The following CDYL variants were observed in gnomAD, a reference collection of about 807,000 sequenced individuals.
CDYL encodes the protein chromodomain Y like, also known as chromodomain Y-like protein.
A neutral mutation model predicts 47.3 loss-of-function variants in CDYL; 8 were observed. The ratio of observed to expected loss-of-function variants is 0.17; its 90% CI spans 0.10 to 0.31. CDYL has a LOEUF of 0.31. Among genes scored for constraint, CDYL ranks in the 10% least tolerant of loss-of-function variants. The pLI, the probability that CDYL is intolerant of heterozygous loss-of-function variation, is 1.00. For synonymous variants in CDYL, 266 were observed against 265.0 expected (o/e 1.00, Z -0.04); for missense variants, 471 against 701.4 (o/e 0.67, Z 3.71).
intron 1 of CDYL, among the ~76,000 whole-genome samples, chr6:4,713,113 G>A (rs913990752): frequency 9.9e-5 from 15 of 152,166 alleles, no homozygotes; most frequent in African/African-American, 2.7e-4. Context: ...TGAGGGGGTC[G>A]AGCAAAATGA....
intron 1 of CDYL, among the ~76,000 whole-genome samples, chr6:4,817,986 G>C (rs1759720475): frequency 6.6e-6 from 1 of 152,214 alleles, no homozygotes; most frequent in African/African-American, 2.4e-5. Flanking sequence ...GCCAGGTACA[G>C]TGGCTCACGC....
rs2127518648 is a variant in CDYL at position 4,934,016 on chromosome 6, A to G, written c.692-1499A>G. Among the ~76,000 whole-genome samples the G allele has an allele frequency of 2.0e-5, 3 of 152,324 alleles. No individual in the cohort carries two copies. The East Asian group carries it at 5.8e-4, about 29-fold the overall frequency. ...ATATTGTGGAAGGAATAACCATGAG[A>G]TGTAACAATGTGTATATCTTATATA... is the stretch of plus-strand genomic sequence containing the variant. On this transcript the variant is annotated intron_variant, in intron 2 of 6. Transcript: ENST00000397588.
intron 1 of CDYL, among the ~76,000 whole-genome samples, chr6:4,712,355 T>C (rs947918993): frequency 6.6e-6 from 1 of 152,222 alleles, no homozygotes; most frequent in Non-Finnish European, 1.5e-5. Flanking sequence ...CCCCCCTGGA[T>C]TTCTTCCTGG....
intron 1 of CDYL, among the ~76,000 whole-genome samples, chr6:4,708,428 G>A (rs1757086393): frequency 6.6e-6 from 1 of 152,108 alleles, no homozygotes; most frequent in South Asian, 2.1e-4. Flanking sequence ...CCAAAGTACT[G>A]GGATTACAGT....
Position 4,721,866 on chromosome 6 carries a change from T to G in CDYL, c.103+5985T>G, listed in dbSNP as rs183677977. ...ATCATAATTAAGAATTTTTGTTTTT[T>G]GGGGTTTTTTTTTTTAGATGGAGTC... On this transcript the variant is annotated intron_variant, in intron 2 of 8. Transcript: ENST00000328908. 2.8e-3 allele frequency among the ~76,000 whole-genome samples: 432 copies of G among 152,010 alleles called. 2 individuals are homozygous for G. Among genetic ancestry groups the G allele is most frequent in the African/African-American group, 9.8e-3 (407 of 41,484 alleles).
At chr6:4,792,296 A>G (rs1241878846) in intron 1 of CDYL, among the ~76,000 whole-genome samples, 1 of 151,888 alleles carries the variant, frequency 6.6e-6, no homozygotes, top group Non-Finnish European at 1.5e-5. Context: ...AATAGATTCT[A>G]ATCTTTGCTA....
At chr6:4,814,769 C>T (rs1227831674) in intron 1 of CDYL, among the ~76,000 whole-genome samples, 5 of 152,120 alleles carry the variant, frequency 3.3e-5, no homozygotes, top group African/African-American at 4.8e-5. Context: ...ATGATCTGCC[C>T]GCCTCAGCCT....
In CDYL at chr6:4,715,975, A is replaced by G. The variant is rs529624490; in HGVS notation, c.103+94A>G. On this transcript the variant is annotated intron_variant, in intron 2 of 8. Transcript: ENST00000328908. ...TTAAAAATGATTTTACTGGCCGGGCACGGTGGCTCACGCCTATAATCCCAG... is the reference window on the plus strand; with the variant it reads ...TTAAAAATGATTTTACTGGCCGGGCGCGGTGGCTCACGCCTATAATCCCAG... The G allele has an allele frequency of 4.6e-6, 7 of 1,507,904 alleles. No homozygotes were observed. In the South Asian group the frequency reaches 7.6e-5, roughly 16 times the overall value. The allele number at this position is 1,507,904 out of a possible 1,614,324, so 93.4% of individuals were successfully genotyped here. A position where few individuals can be genotyped will look rare whatever the true frequency, so the allele number is the denominator to read the frequency against.
intron 1 of CDYL, among the ~76,000 whole-genome samples, chr6:4,842,579 A>G (rs1760533403): frequency 6.6e-6 from 1 of 152,112 alleles, no homozygotes; most frequent in South Asian, 2.1e-4. Flanking sequence ...TGATATAAGA[A>G]TAGCTACTCC....
Position 4,892,067 on chromosome 6 carries a change from C to G in CDYL, c.379C>G (p.Leu127Val), listed in dbSNP as rs1021491896. The change falls in exon 2 of 7, where the codon CTC (leucine) becomes GTC (valine). Residue 127 changes from leucine (L) to valine (V), a missense_variant. Transcript: ENST00000397588. Reference protein sequence around the residue: ...QKFRKNTAPSLSSRKNMDLAK... With the variant: ...QKFRKNTAPSVSSRKNMDLAK... ...GTTCAGGAAGAACACAGCTCCATCT[C>G]TCTCCAGCCGGAAGAACATGGACCT... is the stretch of plus-strand genomic sequence containing the variant. The G allele has an allele frequency of 6.2e-7, 1 of 1,614,244 alleles. No homozygotes were observed.
intron 2 of CDYL, among the ~76,000 whole-genome samples, chr6:4,899,705 C>T (rs900927471): frequency 1.9e-4 from 29 of 152,206 alleles, no homozygotes; most frequent in African/African-American, 6.5e-4. Context: ...TCTGTTGCTT[C>T]TCAGTTGCCT....
At chr6:4,885,575 C>CT (rs1041382303) in intron 1 of CDYL, among the ~76,000 whole-genome samples, 3 of 152,210 alleles carry the variant, frequency 2.0e-5, no homozygotes, top group Non-Finnish European at 4.4e-5. Flanking sequence ...GATGAGGACT[C>CT]TTGTCTTCTG....
intron 2 of CDYL, among the ~76,000 whole-genome samples, chr6:4,920,490 C>T (rs371611961): frequency 2.5e-4 from 38 of 152,310 alleles, no homozygotes; most frequent in Admixed American, 2.1e-3. Context: ...GCCAAGCCTC[C>T]GGCGGGTCAT....
At chr6:4,721,380 T>G (rs1028386018) in intron 2 of CDYL, among the ~76,000 whole-genome samples, 1 of 151,796 alleles carries the variant, frequency 6.6e-6, no homozygotes, top group Non-Finnish European at 1.5e-5. Context: ...GGAGGGGTGT[T>G]GTTTTTCTAT....
At chr6:4,816,478 T>C (rs933551693) in intron 1 of CDYL, among the ~76,000 whole-genome samples, 2 of 151,050 alleles carry the variant, frequency 1.3e-5, no homozygotes, top group African/African-American at 2.4e-5. Context: ...AGTTATACTT[T>C]GATTTATTTT....
At chr6:4,947,877 G>T (rs981533843) in intron 5 of CDYL, among the ~76,000 whole-genome samples, 2 of 152,188 alleles carry the variant, frequency 1.3e-5, no homozygotes, top group African/African-American at 2.4e-5. Context: ...GCCCTGGGAA[G>T]AGCGGTCCAT....
chr6:4,848,078 T>A (rs953027647), intron 1 of CDYL, among the ~76,000 whole-genome samples: 1 of 152,242 alleles, frequency 6.6e-6, no homozygotes, highest in Non-Finnish European at 1.5e-5. Flanking sequence ...ATGCTTTTGC[T>A]TATAGATATT....
intron 2 of CDYL, among the ~76,000 whole-genome samples, chr6:4,719,408 G>C (rs541412935): frequency 2.0e-4 from 31 of 151,952 alleles, no homozygotes; most frequent in Non-Finnish European, 4.3e-4. Context: ...CTAAACTGTG[G>C]CCTCACCTTC....
chr6:4,786,164 G>C (rs1203345206), intron 1 of CDYL, among the ~76,000 whole-genome samples: 1 of 152,178 alleles, frequency 6.6e-6, no homozygotes, highest in African/African-American at 2.4e-5. Context: ...GAGGTGGGAG[G>C]GAGGAGGAAA....
Sources: gnomAD v4.1 joint callset for allele counts (sites outside exome capture counted in the v4.1 genomes callset) on GRCh38, gnomAD v4.1.1 for gene constraint, MANE v1.5 for transcripts, NCBI Gene and HGNC (gene_info 2026-07-23, HGNC 2026-07-21) for gene names.